Variants in ZRANB3 observed in about 807,000 individuals in gnomAD.
The protein encoded by ZRANB3 is zinc finger RANBP2-type containing 3.
Under a neutral mutation model 133.8 loss-of-function variants are expected in ZRANB3, and 125 were observed. The ratio of observed to expected loss-of-function variants is 0.93; its 90% CI spans 0.81 to 1.08. The LOEUF (loss-of-function observed/expected upper bound fraction) is 1.08. Among genes scored for constraint, ZRANB3 ranks in the 50% least tolerant of loss-of-function variants. ZRANB3 has a pLI of 0.00. For synonymous variants in ZRANB3, 387 were observed against 432.7 expected (o/e 0.89, Z 1.31); for missense variants, 1,229 against 1,275.5 (o/e 0.96, Z 0.56).
At chr2:135,308,582 T>G (rs560701618) in intron 8 of ZRANB3, among the ~76,000 whole-genome samples, 1 of 152,308 alleles carries the variant, frequency 6.6e-6, no homozygotes, top group Admixed American at 6.5e-5. Context: ...ATTTAAATTT[T>G]GTTTCTGAAA....
At chr2:135,417,645 TA>T (rs1688649004) in intron 2 of ZRANB3, among the ~76,000 whole-genome samples, 1 of 152,192 alleles carries the variant, frequency 6.6e-6, no homozygotes, top group Non-Finnish European at 1.5e-5. Context: ...CATGCTGCTA[TA>T]AAGACACATG....
chr2:135,394,788 C>T (rs1004975893), intron 2 of ZRANB3, among the ~76,000 whole-genome samples: 1 of 151,568 alleles, frequency 6.6e-6, no homozygotes, highest in Admixed American at 6.6e-5. Context: ...GGGGAAGAAT[C>T]CAGCAAAAGA....
intron 14 of ZRANB3, among the ~76,000 whole-genome samples, chr2:135,227,274 A>G (rs547319050): frequency 7.9e-5 from 12 of 152,354 alleles, no homozygotes; most frequent in Non-Finnish European, 8.8e-5. Flanking sequence ...AATGGAATCA[A>G]CCAAAAAGTA....
intron 17 of ZRANB3, among the ~76,000 whole-genome samples, chr2:135,213,440 G>A (rs1340255571): frequency 2.6e-5 from 4 of 152,142 alleles, no homozygotes; most frequent in African/African-American, 7.2e-5. Context: ...CCAAATTACT[G>A]AGACTTAACT....
intron 1 of ZRANB3, among the ~76,000 whole-genome samples, chr2:135,521,217 T>C (rs774239892): frequency 2.6e-5 from 4 of 152,228 alleles, no homozygotes; most frequent in Non-Finnish European, 4.4e-5. Flanking sequence ...TTATGCAACA[T>C]TGCCTCTCCA....
chr2:135,210,675 T>G (rs1210412230), intron 17 of ZRANB3, among the ~76,000 whole-genome samples: 1 of 152,182 alleles, frequency 6.6e-6, no homozygotes, highest in East Asian at 1.9e-4. Context: ...GGCTCATATC[T>G]GTAATCCCAG....
intron 9 of ZRANB3, 109 bp from the exon 10 acceptor site, chr2:135,271,996 G>A: frequency 1.6e-6 from 2 of 1,216,200 alleles, no homozygotes; most frequent in Non-Finnish European, 2.1e-6. Flanking sequence ...ATGGAACTTG[G>A]TTAAGGTGAC....
intron 8 of ZRANB3, among the ~76,000 whole-genome samples, chr2:135,299,867 G>A (rs1407963224): frequency 6.6e-6 from 1 of 152,138 alleles, no homozygotes; most frequent in Non-Finnish European, 1.5e-5. Flanking sequence ...GACCTAATTT[G>A]AAGCCCTGTA....
At chr2:135,378,664 A>T (rs1295781084) in intron 3 of ZRANB3, among the ~76,000 whole-genome samples, 1 of 152,234 alleles carries the variant, frequency 6.6e-6, no homozygotes, top group Non-Finnish European at 1.5e-5. Flanking sequence ...TGGGATTAAC[A>T]TTAACAGTGA....
At chr2:135,223,430 A>G (rs1488198030) in intron 15 of ZRANB3, among the ~76,000 whole-genome samples, 1 of 150,080 alleles carries the variant, frequency 6.7e-6, no homozygotes, top group African/African-American at 2.5e-5. Context: ...GGTTCAAGCG[A>G]TTCTCCTGCC....
At chr2:135,452,503 C>T (rs1455469636) in intron 2 of ZRANB3, among the ~76,000 whole-genome samples, 2 of 152,182 alleles carry the variant, frequency 1.3e-5, no homozygotes, top group Non-Finnish European at 2.9e-5. Context: ...CAAGTCCCTT[C>T]CACCTATGAA....
chr2:135,203,732 A>G (rs1399138181), intron 19 of ZRANB3, among the ~76,000 whole-genome samples: 3 of 152,120 alleles, frequency 2.0e-5, no homozygotes, highest in African/African-American at 7.2e-5. Context: ...GTCAATAGCT[A>G]TTACCTAGAA....
chr2:135,231,490 T>C (rs1695010611), intron 12 of ZRANB3, among the ~76,000 whole-genome samples: 2 of 152,222 alleles, frequency 1.3e-5, no homozygotes, highest in East Asian at 1.9e-4. Context: ...CTGGGTGCGG[T>C]GGCTCATGCC....
At chr2:135,471,824 G>C (rs1025114331) in intron 2 of ZRANB3, among the ~76,000 whole-genome samples, 2 of 152,112 alleles carry the variant, frequency 1.3e-5, no homozygotes, top group African/African-American at 4.8e-5. Flanking sequence ...TTATGGTATA[G>C]GCTAAAGTTA....
intron 2 of ZRANB3, among the ~76,000 whole-genome samples, chr2:135,403,080 T>C (rs1237974430): frequency 6.6e-6 from 1 of 152,058 alleles, no homozygotes; most frequent in African/African-American, 2.4e-5. Context: ...AAGGCTCATC[T>C]CACTGGGGAG....
chr2:135,488,595 A>G (rs1692229975), intron 2 of ZRANB3, among the ~76,000 whole-genome samples: 1 of 151,386 alleles, frequency 6.6e-6, no homozygotes, highest in African/African-American at 2.4e-5. Context: ...ACCACAATAT[A>G]TGCAAAGCAC....
chr2:135,436,990 C>A (rs1574101966), intron 2 of ZRANB3, among the ~76,000 whole-genome samples: 1 of 152,206 alleles, frequency 6.6e-6, no homozygotes, highest in Non-Finnish European at 1.5e-5. Context: ...GACGGAGTCT[C>A]GCTCTGTTGC....
chr2:135,496,299 G>T (rs923226118), intron 2 of ZRANB3, among the ~76,000 whole-genome samples: 1 of 147,388 alleles, frequency 6.8e-6, no homozygotes, highest in African/African-American at 2.5e-5. Context: ...CAGGACAATC[G>T]CTTGAACACA....
intron 2 of ZRANB3, among the ~76,000 whole-genome samples, chr2:135,497,144 C>G (rs1464129653): frequency 6.6e-6 from 1 of 152,158 alleles, no homozygotes; most frequent in Non-Finnish European, 1.5e-5. Flanking sequence ...ATGAAATACT[C>G]TGTATTATAA....
Sources: allele counts gnomAD v4.1 joint callset (sites outside exome capture counted in the v4.1 genomes callset), GRCh38; gene constraint gnomAD v4.1.1; transcripts MANE v1.5; gene names NCBI Gene and HGNC (gene_info 2026-07-23, HGNC 2026-07-21).